PAX5: variants seen among roughly 807,000 people sequenced by gnomAD.
PAX5 encodes the protein paired box protein Pax-5.
A neutral mutation model predicts 43.7 loss-of-function variants in PAX5; 9 were observed. The ratio of observed to expected loss-of-function variants is 0.21; its 90% CI spans 0.12 to 0.36. The LOEUF (loss-of-function observed/expected upper bound fraction) is 0.36, where lower values mean the gene tolerates loss of function less well. PAX5 is among the 10% of genes least tolerant of loss of function. The probability of loss-of-function intolerance (pLI) is 1.00; values close to 1 mark genes in which losing one functional copy is unlikely to be tolerated. For missense variants in PAX5, 383 were observed against 532.7 expected, an observed-to-expected ratio of 0.72 and a Z score of 2.77; for synonymous variants, 228 against 214.3, an observed-to-expected ratio of 1.06 and a Z score of -0.56.
At chr9:36,964,937 C>T (rs889336532) in intron 6 of PAX5, among the ~76,000 whole-genome samples, 5 of 152,176 alleles carry the variant, frequency 3.3e-5, no homozygotes, top group Admixed American at 1.3e-4. Context: ...CCAGCATCAT[C>T]GCCCGCCCAT....
chr9:36,948,440 G>A (rs754706344), intron 6 of PAX5, among the ~76,000 whole-genome samples: 7 of 152,140 alleles, frequency 4.6e-5, no homozygotes, highest in Non-Finnish European at 8.8e-5. Context: ...CGGAGAACTC[G>A]TCCTCTGTTG....
intron 5 of PAX5, among the ~76,000 whole-genome samples, chr9:36,972,522 T>C (rs1835002010): frequency 1.3e-5 from 2 of 152,214 alleles, no homozygotes; most frequent in African/African-American, 4.8e-5. Context: ...ATTTTGGTTG[T>C]TGTGCAGTCT....
At position 36,835,432 on chromosome 9, in the gene PAX5, G is replaced by A. The variant is rs529714656; in HGVS notation, c.*5128C>T. 29 of 232,682 alleles carry A rather than the reference G, an allele frequency of 1.2e-4. No individual in the cohort carries two copies. In the South Asian group the frequency reaches 4.5e-3, roughly 36 times the overall value. 14.4% of individuals were successfully genotyped at this position (232,682 alleles called of 1,614,324 possible). A position where few individuals can be genotyped will look rare whatever the true frequency, so the allele number is the denominator to read the frequency against. ...GCAAGGGGCTCACAGCCTGGCCTCT[G>A]CAGAGGCCCTTGGGACCTGGCGCCA... On this transcript the variant is annotated 3_prime_UTR_variant, in exon 10 of 10. Transcript: ENST00000358127.
chr9:36,889,738 C>A (rs1312454508), intron 7 of PAX5, among the ~76,000 whole-genome samples: 1 of 152,158 alleles, frequency 6.6e-6, no homozygotes, highest in Non-Finnish European at 1.5e-5. Flanking sequence ...AAAACGTTTG[C>A]CAAGATGAAA....
intron 5 of PAX5, among the ~76,000 whole-genome samples, chr9:36,991,599 G>A (rs1280295408): frequency 2.6e-5 from 4 of 152,186 alleles, no homozygotes; most frequent in Non-Finnish European, 5.9e-5. Flanking sequence ...CTGAAGAAGT[G>A]AGACTTCAGC....
intron 8 of PAX5, among the ~76,000 whole-genome samples, chr9:36,863,970 A>AAGTG (rs1824519547): frequency 1.3e-5 from 2 of 152,174 alleles, no homozygotes; most frequent in African/African-American, 2.4e-5. Context: ...TTAGCTGGGC[A>AAGTG]TGGTGGCATG....
chr9:36,961,101 CTT>C (rs1053249995), intron 6 of PAX5, among the ~76,000 whole-genome samples: 2 of 152,208 alleles, frequency 1.3e-5, no homozygotes, highest in African/African-American at 4.8e-5. Flanking sequence ...GTACCCAGCC[CTT>C]TTTCTGCCTC....
At chr9:36,936,653 G>C (rs141740082) in intron 6 of PAX5, among the ~76,000 whole-genome samples, 49 of 152,238 alleles carry the variant, frequency 3.2e-4, no homozygotes, top group African/African-American at 1.1e-3. Flanking sequence ...TGACTTCCCA[G>C]CTACAAGGAA....
At chr9:37,026,907 A>G (rs1840443450) in intron 1 of PAX5, among the ~76,000 whole-genome samples, 1 of 152,298 alleles carries the variant, frequency 6.6e-6, no homozygotes, top group African/African-American at 2.4e-5. Flanking sequence ...GGCATAGCGT[A>G]GGGGCCCGCC....
At chr9:37,033,910 G>C in intron 1 of PAX5, 76 bp downstream of exon 1, 1 of 1,372,082 alleles carries the variant, frequency 7.3e-7, no homozygotes. Context: ...TCCTCCTCCA[G>C]GGTCACCCTG....
intron 6 of PAX5, among the ~76,000 whole-genome samples, chr9:36,954,213 A>AT (rs1833254787): frequency 6.6e-6 from 1 of 152,208 alleles, no homozygotes; most frequent in Non-Finnish European, 1.5e-5. Context: ...ATTGGACTAA[A>AT]GTAAGGTTTC....
At chr9:37,009,592 G>A (rs1838755963) in intron 3 of PAX5, among the ~76,000 whole-genome samples, 2 of 152,202 alleles carry the variant, frequency 1.3e-5, no homozygotes, top group South Asian at 4.1e-4. Flanking sequence ...AAAATAGAAA[G>A]AATGAATAAG....
At chr9:36,930,216 C>CTT (rs144710055) in intron 6 of PAX5, among the ~76,000 whole-genome samples, 2,214 of 85,458 alleles carry the variant, frequency 0.026, 126 homozygotes, top group African/African-American at 0.086. Flanking sequence ...GATGGATGTC[C>CTT]TTTTTTTTTT....
intron 5 of PAX5, among the ~76,000 whole-genome samples, chr9:36,976,962 C>A (rs187160302): frequency 6.6e-6 from 1 of 152,204 alleles, no homozygotes; most frequent in Non-Finnish European, 1.5e-5. Context: ...CCGTTGATCC[C>A]TGAGCTACAT....
At chr9:37,011,441 G>A (rs192633767) in intron 3 of PAX5, among the ~76,000 whole-genome samples, 117 of 152,230 alleles carry the variant, frequency 7.7e-4, no homozygotes, top group African/African-American at 2.7e-3. Flanking sequence ...CCTCTAAGCT[G>A]GGAGTGCCAC....
At chr9:36,984,735 C>T (rs917050933) in intron 5 of PAX5, among the ~76,000 whole-genome samples, 2 of 152,252 alleles carry the variant, frequency 1.3e-5, no homozygotes, top group South Asian at 2.1e-4. Context: ...GGATTATAGG[C>T]ATGAGCCACC....
intron 2 of PAX5, among the ~76,000 whole-genome samples, chr9:37,016,854 G>A (rs916858533): frequency 1.3e-4 from 20 of 152,188 alleles, no homozygotes; most frequent in Non-Finnish European, 2.9e-4. Context: ...TTTGGGTAAG[G>A]CCAAGTTAGT....
At chr9:36,976,494 A>G (rs969562641) in intron 5 of PAX5, among the ~76,000 whole-genome samples, 9 of 152,192 alleles carry the variant, frequency 5.9e-5, no homozygotes, top group Non-Finnish European at 1.0e-4. Context: ...GACATCTACT[A>G]TGAGCCAGGC....
chr9:36,836,382 C>T lies in PAX5; in HGVS notation c.*4178G>A, dbSNP rs1322767384. The T allele has an allele frequency of 1.3e-5, 3 of 233,254 alleles. No individual in the cohort carries two copies. The highest frequency in any genetic ancestry group is 4.4e-5 in the African/African-American group (2 of 45,350). The allele number at this position is 233,254 out of a possible 1,614,324, so 14.4% of individuals were successfully genotyped here. A position where few individuals can be genotyped will look rare whatever the true frequency, so the allele number is the denominator to read the frequency against. On this transcript the variant is annotated 3_prime_UTR_variant, in exon 10 of 10. Transcript: ENST00000358127. Reference sequence around the variant, plus strand: ...CACATCTCTCACCTCTCTGGGCTCCCATCTCCTCCAAATCTGCAACAAAGG... The same window carrying T: ...CACATCTCTCACCTCTCTGGGCTCCTATCTCCTCCAAATCTGCAACAAAGG...
Sources: gnomAD v4.1 joint callset for allele counts (sites outside exome capture counted in the v4.1 genomes callset) on GRCh38, gnomAD v4.1.1 for gene constraint, MANE v1.5 for transcripts, NCBI Gene and HGNC (gene_info 2026-07-23, HGNC 2026-07-21) for gene names.